Variants in PID1 observed in about 807,000 individuals in gnomAD.
PID1 encodes PTB-containing, cubilin and LRP1-interacting protein.
PID1 carries 10 observed loss-of-function variants against 19.1 expected under a neutral mutation model. The observed-to-expected ratio is 0.52, with a 90% CI of 0.32 to 0.89. The LOEUF (loss-of-function observed/expected upper bound fraction) is 0.89. Among genes scored for constraint, PID1 ranks in the 40% least tolerant of loss-of-function variants. The pLI is 0.03. For missense variants in PID1, 248 were observed against 285.3 expected (o/e 0.87, Z 0.94); for synonymous variants, 130 against 116.0 (o/e 1.12, Z -0.78).
At chr2:229,067,121 G>A (rs2106198426) in intron 2 of PID1, among the ~76,000 whole-genome samples, 1 of 152,234 alleles carries the variant, frequency 6.6e-6, no homozygotes, top group Admixed American at 6.5e-5. Flanking sequence ...GCAGGAAGGA[G>A]AAGTGCCGAG....
rs1695166696 is a variant in PID1 at position 229,105,846 on chromosome 2, G to A, written c.177+49972C>T. Among the ~76,000 whole-genome samples, 2 of 152,312 alleles carry A rather than the reference G, an allele frequency of 1.3e-5. 1 individual carries two copies. The highest frequency in any genetic ancestry group is 6.8e-3 in the Middle Eastern group (2 of 294). ...TGTAATCCCAGCACTTTGGGAGGCT[G>A]AGGCAGGCACATCATGAGGTCAGGA... On this transcript the variant is annotated intron_variant, in intron 2 of 2. Transcript: ENST00000392055.
At position 229,048,537 on chromosome 2, in the gene PID1, C is replaced by T. The variant is rs140965029; in HGVS notation, c.178-22429G>A. Among the ~76,000 whole-genome samples, 371 of 152,124 alleles carry T rather than the reference C, an allele frequency of 2.4e-3. 1 individual carries two copies. The highest frequency in any genetic ancestry group is 8.4e-3 in the African/African-American group (350 of 41,472). Reference sequence around the variant, plus strand: ...GAAGGTGCTGGCTAGAGCGAAGGACCAGCCCAAAATTTGGTTCTTAAAACT... The same window carrying T: ...GAAGGTGCTGGCTAGAGCGAAGGACTAGCCCAAAATTTGGTTCTTAAAACT... On this transcript the variant is annotated intron_variant, in intron 2 of 2. Transcript: ENST00000392055.
chr2:229,125,534 T>C (rs572015061), intron 2 of PID1, among the ~76,000 whole-genome samples: 1 of 152,146 alleles, frequency 6.6e-6, no homozygotes, highest in Non-Finnish European at 1.5e-5. Flanking sequence ...TTGCAGAATC[T>C]GCTGCTTGGA....
chr2:229,065,529 T>A (rs1694305590), intron 2 of PID1, among the ~76,000 whole-genome samples: 1 of 152,012 alleles, frequency 6.6e-6, no homozygotes, highest in African/African-American at 2.4e-5. Context: ...CACATCAAAG[T>A]AAAGTACAAA....
rs143145535 is a variant in PID1, at chr2:229,261,987, C to T, written c.30+9027G>A. The stretch of plus-strand genomic sequence containing the variant: ...TACAGTTATCAAGTAAAAAACAAAA[C>T]AAAACACCAAACCAGGTACAAATAA... On this transcript the variant is annotated intron_variant, in intron 1 of 2. Coordinates refer to ENST00000392055, the MANE Select transcript of PID1 (RefSeq NM_001100818.2). 7.2e-4 allele frequency among the ~76,000 whole-genome samples: 108 copies of T among 150,380 alleles called. 1 individual carries two copies. The highest frequency in any genetic ancestry group is 3.5e-3 in the Middle Eastern group (1 of 286).
intron 1 of PID1, among the ~76,000 whole-genome samples, chr2:229,216,024 C>T (rs1422041983): frequency 6.6e-6 from 1 of 152,110 alleles, no homozygotes; most frequent in Non-Finnish European, 1.5e-5. Flanking sequence ...TCAGCAAAAC[C>T]TCATATTTCC....
intron 1 of PID1, chr2:229,231,990 CA>C (rs1174199056): frequency 4.5e-5 from 69 of 1,550,300 alleles, no homozygotes; most frequent in Non-Finnish European, 5.8e-5. Context: ...GTGAGAGCTG[CA>C]GCACTTGGAA....
chr2:229,198,675 GA>G (rs2106238114), intron 1 of PID1, among the ~76,000 whole-genome samples: 1 of 152,102 alleles, frequency 6.6e-6, no homozygotes, highest in South Asian at 2.1e-4. Flanking sequence ...AAAATTCTAG[GA>G]GACGCCCTTG....
intron 2 of PID1, among the ~76,000 whole-genome samples, chr2:229,083,105 T>A (rs561749836): frequency 6.6e-6 from 1 of 152,294 alleles, no homozygotes; most frequent in African/African-American, 2.4e-5. Flanking sequence ...AATGATGAAT[T>A]TGCGAAAGGC....
chr2:229,224,452 A>C (rs377737835), intron 1 of PID1, among the ~76,000 whole-genome samples: 7 of 152,302 alleles, frequency 4.6e-5, no homozygotes, highest in African/African-American at 1.7e-4. Context: ...CTCTCCATCT[A>C]TTAAGCATTT....
At chr2:229,151,681 C>T in intron 2 of PID1, among the ~76,000 whole-genome samples, 1 of 151,954 alleles carries the variant, frequency 6.6e-6, no homozygotes. Context: ...TGCCATTCTC[C>T]TGCCTCAACC....
chr2:229,115,542 A>C (rs1695394147), intron 2 of PID1, among the ~76,000 whole-genome samples: 1 of 152,218 alleles, frequency 6.6e-6, no homozygotes, highest in Non-Finnish European at 1.5e-5. Flanking sequence ...AGCAGAATTT[A>C]AGTAGAGGAA....
At chr2:229,238,910 T>C (rs528566053) in intron 1 of PID1, among the ~76,000 whole-genome samples, 163 of 152,232 alleles carry the variant, frequency 1.1e-3, no homozygotes, top group African/African-American at 3.6e-3. Context: ...ATAGCATTAG[T>C]AATGACCTCA....
intron 2 of PID1, among the ~76,000 whole-genome samples, chr2:229,035,514 G>A (rs200922451): frequency 2.0e-5 from 1 of 51,010 alleles, no homozygotes; most frequent in Admixed American, 1.8e-4. Flanking sequence ...ATATGTGTGT[G>A]TGTGTGTGTG....
At chr2:229,071,798 T>C (rs1407094395) in intron 2 of PID1, among the ~76,000 whole-genome samples, 3 of 152,210 alleles carry the variant, frequency 2.0e-5, no homozygotes, top group Admixed American at 6.5e-5. Context: ...CTGAAATCTA[T>C]GGTGTAAAAG....
chr2:229,032,551 A>G (rs12621111), intron 2 of PID1, among the ~76,000 whole-genome samples: 24,664 of 152,178 alleles, frequency 0.16, 2,111 homozygotes, highest in Non-Finnish European at 0.19. Context: ...GTCCAAAATG[A>G]TACACAGATT....
chr2:229,049,476 G>C (rs1291826780), intron 2 of PID1, among the ~76,000 whole-genome samples: 1 of 152,092 alleles, frequency 6.6e-6, no homozygotes, highest in Non-Finnish European at 1.5e-5. Flanking sequence ...ATCCTGGTGG[G>C]TAGCTGAATT....
chr2:229,265,827 T>C (rs900047667), intron 1 of PID1, among the ~76,000 whole-genome samples: 1 of 152,104 alleles, frequency 6.6e-6, no homozygotes, highest in Admixed American at 6.5e-5. Context: ...GGGGTCAGTG[T>C]GGAGGGGTAT....
intron 2 of PID1, among the ~76,000 whole-genome samples, chr2:229,146,585 T>C (rs1690139896): frequency 6.6e-6 from 1 of 151,842 alleles, no homozygotes; most frequent in South Asian, 2.1e-4. Context: ...AATTCCCCAA[T>C]TATAAGAGAA....
Sources: gnomAD v4.1 joint callset for allele counts (sites outside exome capture counted in the v4.1 genomes callset) on GRCh38, gnomAD v4.1.1 for gene constraint, MANE v1.5 for transcripts, NCBI Gene and HGNC (gene_info 2026-07-23, HGNC 2026-07-21) for gene names.